FBXO11: variants seen among roughly 807,000 people sequenced by gnomAD.
The protein encoded by FBXO11 is F-box protein 11, also known as F-box only protein 11.
FBXO11 carries 13 observed loss-of-function variants against 117.0 expected under a neutral mutation model. The observed-to-expected ratio is 0.11, with a 90% CI of 0.07 to 0.18. FBXO11 has a LOEUF of 0.18. Among genes scored for constraint, FBXO11 ranks in the 10% least tolerant of loss-of-function variants. The pLI is 1.00. For missense variants in FBXO11, 767 were observed against 1,164.4 expected, an observed-to-expected ratio of 0.66 and a Z score of 4.97; for synonymous variants, 490 against 380.5, an observed-to-expected ratio of 1.29 and a Z score of -3.35.
At chr2:47,831,621 G>A (rs889895088) in intron 11 of FBXO11, among the ~76,000 whole-genome samples, 6 of 151,682 alleles carry the variant, frequency 4.0e-5, no homozygotes, top group Admixed American at 2.0e-4. Context: ...GCTGTATTAG[G>A]ACTTGAAAAT....
At position 47,809,809 on chromosome 2, in the gene FBXO11, A is replaced by G. The variant is rs180908320; in HGVS notation, c.2339-102T>C. On this transcript the variant is annotated intron_variant, in intron 19 of 22. Coordinates refer to ENST00000403359, the MANE Select transcript of FBXO11 (RefSeq NM_001190274.2). ...TAAACTGCTTCTTTTATAGAAGTACATTAACCCTCTTAATGTCTACTGAAT... is the reference window on the plus strand; with the variant it reads ...TAAACTGCTTCTTTTATAGAAGTACGTTAACCCTCTTAATGTCTACTGAAT... The G allele has an allele frequency of 1.8e-3, 1,244 of 709,344 alleles. 2 individuals are homozygous for G. The highest frequency in any genetic ancestry group is 2.4e-3 in the Non-Finnish European group (985 of 414,902). 43.9% of individuals were successfully genotyped at this position (709,344 alleles called of 1,614,324 possible).
intron 11 of FBXO11, among the ~76,000 whole-genome samples, chr2:47,827,469 G>A (rs1028847295): frequency 9.9e-5 from 15 of 152,068 alleles, no homozygotes; most frequent in Non-Finnish European, 1.8e-4. Context: ...ACCACGCCCA[G>A]CTAATTTTTG....
intron 3 of FBXO11, 116 bp downstream of exon 3, chr2:47,839,303 A>G (rs1255959504): frequency 4.2e-6 from 4 of 950,832 alleles, no homozygotes; most frequent in Non-Finnish European, 6.2e-6. Context: ...TTCTGTAATA[A>G]TCACTTTCTG....
chr2:47,808,216 A>T lies in FBXO11; in HGVS notation c.2686T>A (p.Ser896Thr). 6.2e-7 allele frequency: 1 copy of T among 1,613,462 alleles called. No homozygotes were observed. Among genetic ancestry groups the T allele is most frequent in the South Asian group, 1.1e-5 (1 of 91,082 alleles). ...FFCDCGAGTLSNPCTLAGEPT... is the reference protein window; with the variant it reads ...FFCDCGAGTLTNPCTLAGEPT... ...TCACCAGCTAATGTACAAGGATTAGACAGTGTTCCAGCACCACAGTCACAG... is the reference window on the plus strand; with the variant it reads ...TCACCAGCTAATGTACAAGGATTAGTCAGTGTTCCAGCACCACAGTCACAG... The change falls in exon 23 of 23, where the codon TCT becomes ACT. Residue 896 changes from serine to threonine, a missense_variant. This residue lies in a region of FBXO11 where 47 missense variants were observed against 117.3 expected (regional missense o/e 0.40). Coordinates refer to ENST00000403359, the MANE Select transcript of FBXO11 (RefSeq NM_001190274.2).
intron 1 of FBXO11, among the ~76,000 whole-genome samples, chr2:47,893,593 T>C (rs918567125): frequency 6.6e-6 from 1 of 152,184 alleles, no homozygotes; most frequent in African/African-American, 2.4e-5. Flanking sequence ...ATTTCAAATT[T>C]TATTTAAACT....
chr2:47,852,341 G>A (rs1178929444), intron 1 of FBXO11, among the ~76,000 whole-genome samples: 2 of 152,118 alleles, frequency 1.3e-5, no homozygotes, highest in Admixed American at 6.6e-5. Flanking sequence ...AGAGAGAAAA[G>A]GATGGAGAGG....
intron 16 of FBXO11, among the ~76,000 whole-genome samples, chr2:47,815,225 T>C (rs1670926334): frequency 6.6e-6 from 1 of 152,198 alleles, no homozygotes; most frequent in East Asian, 1.9e-4. Context: ...GAAATGTGAT[T>C]GGACACAAAG....
chr2:47,881,379 T>C (rs1233602089), intron 1 of FBXO11, among the ~76,000 whole-genome samples: 1 of 152,206 alleles, frequency 6.6e-6, no homozygotes, highest in African/African-American at 2.4e-5. Flanking sequence ...TCTTTCAATA[T>C]CTAGGAAGGT....
At chr2:47,817,340 A>G (rs1226218858) in intron 16 of FBXO11, among the ~76,000 whole-genome samples, 1 of 152,198 alleles carries the variant, frequency 6.6e-6, no homozygotes, top group Non-Finnish European at 1.5e-5. Flanking sequence ...TTGTTCTTCT[A>G]TCCACATCAC....
intron 1 of FBXO11, among the ~76,000 whole-genome samples, chr2:47,882,647 C>G (rs1292214113): frequency 6.6e-6 from 1 of 152,064 alleles, no homozygotes; most frequent in Non-Finnish European, 1.5e-5. Context: ...CTTATTTCAT[C>G]TGTATTTCTG....
At chr2:47,873,470 T>TA (rs1214948557) in intron 1 of FBXO11, among the ~76,000 whole-genome samples, 1 of 152,208 alleles carries the variant, frequency 6.6e-6, no homozygotes, top group African/African-American at 2.4e-5. Flanking sequence ...TCTAATTCCT[T>TA]AGTCTTTTGA....
intron 1 of FBXO11, among the ~76,000 whole-genome samples, chr2:47,846,110 C>A (rs1162522877): frequency 6.6e-6 from 1 of 152,136 alleles, no homozygotes; most frequent in Admixed American, 6.5e-5. Context: ...TGGCTCCAAC[C>A]CAAGAAACAC....
rs1558430773 is a variant in FBXO11, at chr2:47,839,465, A to G, written c.396T>C (p.His132=). 6.2e-7 allele frequency: 1 copy of G among 1,614,060 alleles called. No homozygotes were observed. Among genetic ancestry groups the G allele is most frequent in the East Asian group, 2.2e-5 (1 of 44,876 alleles). Residue 132 remains histidine (H), a synonymous_variant, in exon 3 of 23, where the codon CAT becomes CAC. Coordinates refer to ENST00000403359, the MANE Select transcript of FBXO11 (RefSeq NM_001190274.2). ...ASTSTTENFG[H]RAKRARVSGK... ...CAGACACTCTTGCACGTTTTGCACGATGACCAAAGTTTTCTGTAGTTGAAG... is the reference window on the plus strand; with the variant it reads ...CAGACACTCTTGCACGTTTTGCACGGTGACCAAAGTTTTCTGTAGTTGAAG...
At chr2:47,816,448 T>A (rs1314862159) in intron 16 of FBXO11, among the ~76,000 whole-genome samples, 1 of 152,146 alleles carries the variant, frequency 6.6e-6, no homozygotes, top group African/African-American at 2.4e-5. Context: ...CCCAAAATGC[T>A]TGGATTACAG....
chr2:47,863,870 G>C lies in FBXO11; in HGVS notation c.233-24101C>G, dbSNP rs145862949. ...GCAGGAGAATTGCTTGAACCCTGGA[G>C]GTGGAGGTTGCAGTGAGCCAAGATT... On this transcript the variant is annotated intron_variant, in intron 1 of 22. Transcript: ENST00000403359. Among the ~76,000 whole-genome samples the C allele has an allele frequency of 4.2e-3, 643 of 152,096 alleles. 5 individuals carry two copies. Among genetic ancestry groups the C allele is most frequent in the African/African-American group, 0.014 (600 of 41,490 alleles).
intron 1 of FBXO11, among the ~76,000 whole-genome samples, chr2:47,840,626 A>T (rs1433131179): frequency 6.6e-6 from 1 of 150,904 alleles, no homozygotes; most frequent in Non-Finnish European, 1.5e-5. Context: ...CTAAAAAACA[A>T]TTTTTTTTGG....
chr2:47,809,343 T>A, intron 20 of FBXO11, 77 bp from the exon 21 acceptor site: 1 of 932,218 alleles, frequency 1.1e-6, no homozygotes. Context: ...AGGATTATTC[T>A]AACAGAAGAG....
intron 1 of FBXO11, among the ~76,000 whole-genome samples, chr2:47,853,495 T>C (rs924355855): frequency 6.6e-6 from 1 of 152,184 alleles, no homozygotes; most frequent in African/African-American, 2.4e-5. Flanking sequence ...GTTTTAGTAT[T>C]GTAAATAGTA....
rs768464304 is a variant in FBXO11, at chr2:47,810,413, T to C, written c.2241A>G (p.Glu747=). The stretch of plus-strand genomic sequence containing the variant: ...CTTGAGCATTCCTGAAAATATCATT[T>C]TCTTCAAGGAGACCTATAATAAAAT... ...IFNGGRGLLE[E]NDIFRNAQAG... The change falls in exon 19 of 23, where the codon GAA becomes GAG. Residue 747 remains glutamate (E), a synonymous_variant. Coordinates refer to ENST00000403359, the MANE Select transcript of FBXO11 (RefSeq NM_001190274.2). 1 of 1,605,810 alleles carries C rather than the reference T, an allele frequency of 6.2e-7. No individual in the cohort carries two copies. Among genetic ancestry groups the C allele is most frequent in the East Asian group, 2.2e-5 (1 of 44,718 alleles).
Sources: allele counts gnomAD v4.1 joint callset (sites outside exome capture counted in the v4.1 genomes callset), GRCh38; gene constraint gnomAD v4.1.1; regional missense constraint gnomAD v4.1.1; transcripts MANE v1.5; gene names NCBI Gene and HGNC (gene_info 2026-07-23, HGNC 2026-07-21).